DNAH12: variants seen among roughly 807,000 people sequenced by gnomAD.
DNAH12 encodes the protein dynein axonemal heavy chain 12, also known as axonemal beta dynein heavy chain 12.
DNAH12 carries 285 observed loss-of-function variants against 371.5 expected under a neutral mutation model. That is an observed-to-expected ratio of 0.77 (90% CI 0.70 to 0.85). DNAH12 has a LOEUF of 0.85. Ranked by LOEUF, DNAH12 falls within the 40% of genes least tolerant of loss-of-function variation. The probability of loss-of-function intolerance (pLI) is 0.00; values close to 1 mark genes in which losing one functional copy is unlikely to be tolerated. For missense variants in DNAH12, 3,611 were observed against 3,689.4 expected (o/e 0.98, Z 0.55); for synonymous variants, 1,200 against 1,213.0 (o/e 0.99, Z 0.22).
intron 56 of DNAH12, among the ~76,000 whole-genome samples, chr3:57,367,276 G>C (rs2063071416): frequency 6.6e-6 from 1 of 152,150 alleles, no homozygotes; most frequent in Admixed American, 6.5e-5. Context: ...AGTGAGCTGA[G>C]ACTGCACCAC....
intron 5 of DNAH12, among the ~76,000 whole-genome samples, chr3:57,510,483 T>C (rs746968912): frequency 2.6e-5 from 4 of 151,532 alleles, no homozygotes; most frequent in Non-Finnish European, 4.4e-5. Flanking sequence ...TACCAAAAAA[T>C]AAAAAAATTA....
rs2068849896 is a variant in DNAH12, at chr3:57,531,604, A to G, written c.171-7720T>C. Among the ~76,000 whole-genome samples, 6 of 151,756 alleles carry G rather than the reference A, an allele frequency of 4.0e-5. No homozygotes were observed. In the South Asian group the frequency reaches 1.3e-3, roughly 32 times the overall value. On this transcript the variant is annotated intron_variant, in intron 2 of 73. Coordinates refer to ENST00000495027, the MANE Select transcript of DNAH12 (RefSeq NM_001366028.2). ...TGGCAAAACCCCATATCTACTAAAA[A>G]TACAAAAAAAATATCTGGGTGTGGC...
intron 69 of DNAH12, among the ~76,000 whole-genome samples, chr3:57,302,946 C>T (rs1030113710): frequency 4.6e-5 from 7 of 151,798 alleles, no homozygotes; most frequent in African/African-American, 1.7e-4. Flanking sequence ...TCTCTAATTC[C>T]TAAGAAGAAT....
intron 49 of DNAH12, among the ~76,000 whole-genome samples, chr3:57,384,547 G>T (rs1162239381): frequency 1.3e-5 from 2 of 152,094 alleles, no homozygotes; most frequent in Non-Finnish European, 2.9e-5. Context: ...AGGAGGCTAA[G>T]GTAGGAGAAT....
Position 57,413,750 on chromosome 3 carries a change from G to A in DNAH12, c.6016C>T (p.His2006Tyr), listed in dbSNP as rs2064277443. Residue 2006 changes from histidine to tyrosine, a missense_variant, in exon 39 of 74, where the codon CAT becomes TAT. Transcript: ENST00000495027. ...CTTATCGAATTAAATAGTTACCAAT[G>A]TCCACAGTCAAAAAACTGTCGTAAT... ...ELLRQFFDCG[H>Y]WYDLKDTSKI... 3 of 1,549,788 alleles carry A rather than the reference G, an allele frequency of 1.9e-6. No homozygotes were observed. The highest frequency in any genetic ancestry group is 1.4e-5 in the African/African-American group (1 of 72,970).
At chr3:57,509,269 T>C in intron 5 of DNAH12, 57 bp from the exon 6 acceptor site, 1 of 1,504,202 alleles carries the variant, frequency 6.6e-7, no homozygotes, top group Non-Finnish European at 9.1e-7. Context: ...TCTATTAATA[T>C]CAAAGTTTCT....
rs1281714399 is a variant in DNAH12, at chr3:57,468,650, A to G, written c.2349+86T>C. 3.9e-6 allele frequency: 3 copies of G among 771,492 alleles called. No homozygotes were observed. In the African/African-American group the frequency reaches 5.5e-5, roughly 14 times the overall value. The allele number at this position is 771,492 out of a possible 1,614,324, so 47.8% of individuals were successfully genotyped here. On this transcript the variant is annotated intron_variant, in intron 17 of 73. Transcript: ENST00000495027. Reference sequence around the variant, plus strand: ...TAAATAATAAACATGTAAAACCAGAAGATAGGCTTTATAATTTATATATTA... The same window carrying G: ...TAAATAATAAACATGTAAAACCAGAGGATAGGCTTTATAATTTATATATTA...
intron 39 of DNAH12, among the ~76,000 whole-genome samples, chr3:57,409,684 A>G (rs782243958): frequency 6.6e-6 from 1 of 152,154 alleles, no homozygotes; most frequent in Non-Finnish European, 1.5e-5. Context: ...TAGGGCCTAT[A>G]GTAATAACAA....
intron 45 of DNAH12, among the ~76,000 whole-genome samples, chr3:57,390,406 C>A (rs1181367983): frequency 9.5e-4 from 5 of 5,250 alleles, no homozygotes; most frequent in Non-Finnish European, 3.7e-3. Context: ...GAGATCCTGT[C>A]TCAAAAAAAA....
chr3:57,438,860 A>G (rs1342992603), intron 29 of DNAH12, among the ~76,000 whole-genome samples: 1 of 138,598 alleles, frequency 7.2e-6, no homozygotes, highest in Non-Finnish European at 1.5e-5. Context: ...GGCTGCAGTA[A>G]GCAGAGATTG....
intron 8 of DNAH12, among the ~76,000 whole-genome samples, chr3:57,506,025 C>T (rs57152490): frequency 0.014 from 2,158 of 152,254 alleles, 54 homozygotes; most frequent in African/African-American, 0.05. Context: ...AGATTACAGG[C>T]GTGAGCCACC....
At chr3:57,418,495 G>A (rs936469003) in intron 37 of DNAH12, among the ~76,000 whole-genome samples, 1 of 147,732 alleles carries the variant, frequency 6.8e-6, no homozygotes, top group African/African-American at 2.5e-5. Flanking sequence ...AGCCGTGATC[G>A]CACCACTGTA....
intron 68 of DNAH12, 48 bp downstream of exon 68, chr3:57,309,618 A>T: frequency 1.4e-6 from 2 of 1,379,832 alleles, no homozygotes; most frequent in East Asian, 5.3e-5. Flanking sequence ...TCATTTCAGT[A>T]TCATTTTTAT....
At position 57,301,911 on chromosome 3, in the gene DNAH12, G is replaced by A. The variant is rs947477052; in HGVS notation, c.11218C>T (p.Arg3740Trp). The change falls in exon 70 of 74, where the codon CGG becomes TGG. Residue 3740 changes from arginine to tryptophan, a missense_variant. By Grantham distance (101) the Arg-to-Trp change is moderately radical. Coordinates refer to ENST00000495027, the MANE Select transcript of DNAH12 (RefSeq NM_001366028.2). ...NLIITIRNTL[R>W]DLEKAIKGVV... ...CCCTTAATAGCTTTTTCAAGGTCCC[G>A]TAGAGTGTTACGTATAGTTATAATT... is the stretch of plus-strand genomic sequence containing the variant. The A allele has an allele frequency of 1.2e-5, 18 of 1,551,400 alleles. No individual in the cohort carries two copies. The highest frequency in any genetic ancestry group is 9.8e-5 in the Admixed American group (5 of 50,968).
intron 41 of DNAH12, 131 bp downstream of exon 41, chr3:57,405,518 AAAAC>A: frequency 4.7e-6 from 5 of 1,064,414 alleles, no homozygotes; most frequent in South Asian, 3.6e-5. Context: ...AAATCTTCTC[AAAAC>A]AAACACCTAT....
intron 57 of DNAH12, among the ~76,000 whole-genome samples, chr3:57,364,534 G>T (rs1487857774): frequency 6.6e-6 from 1 of 151,234 alleles, no homozygotes; most frequent in Non-Finnish European, 1.5e-5. Context: ...TTACATTTAA[G>T]TCTTTAATCC....
At chr3:57,503,942 A>G in intron 9 of DNAH12, 74 bp downstream of exon 9, 1 of 1,156,952 alleles carries the variant, frequency 8.6e-7, no homozygotes, top group Non-Finnish European at 1.2e-6. Flanking sequence ...ATAACATTGT[A>G]TGTACACATA....
intron 60 of DNAH12, among the ~76,000 whole-genome samples, chr3:57,351,630 T>C (rs955253216): frequency 2.0e-5 from 3 of 152,124 alleles, no homozygotes; most frequent in Non-Finnish European, 4.4e-5. Flanking sequence ...TCAAAAGTAA[T>C]GTTGAGGAAA....
intron 2 of DNAH12, chr3:57,530,610 A>G: frequency 1.7e-6 from 1 of 593,670 alleles, no homozygotes. Flanking sequence ...CTTGCAGCCC[A>G]GGGACAATGT....
Sources: gnomAD v4.1 joint callset for allele counts (sites outside exome capture counted in the v4.1 genomes callset) on GRCh38, gnomAD v4.1.1 for gene constraint, MANE v1.5 for transcripts, NCBI Gene and HGNC (gene_info 2026-07-23, HGNC 2026-07-21) for gene names.